Variants in INVS observed in about 807,000 individuals in gnomAD.
INVS encodes inversin, also known as inversion of embryo turning homolog.
A neutral mutation model predicts 108.8 loss-of-function variants in INVS; 86 were observed. That is an observed-to-expected ratio of 0.79 (90% CI 0.66 to 0.95). INVS has a LOEUF of 0.95. Among genes scored for constraint, INVS ranks in the 40% least tolerant of loss-of-function variants. The pLI is 0.00. For synonymous variants in INVS, 455 were observed against 473.5 expected, an observed-to-expected ratio of 0.96 and a Z score of 0.51; for missense variants, 1,169 against 1,297.4, an observed-to-expected ratio of 0.90 and a Z score of 1.52.
intron 2 of INVS, among the ~76,000 whole-genome samples, chr9:100,122,856 T>C (rs1011114735): frequency 3.9e-5 from 6 of 152,088 alleles, no homozygotes; most frequent in African/African-American, 1.4e-4. Flanking sequence ...AGTGCTGGGA[T>C]TACAGGCGTG....
intron 11 of INVS, among the ~76,000 whole-genome samples, chr9:100,271,992 C>T (rs1027171915): frequency 1.3e-5 from 2 of 151,974 alleles, no homozygotes; most frequent in Non-Finnish European, 2.9e-5. Flanking sequence ...CCTTAGCCTT[C>T]TGAGTAGCTG....
chr9:100,297,941 T>C lies in INVS; in HGVS notation c.3022T>C (p.Ser1008Pro). Residue 1008 changes from serine (S) to proline (P), a missense_variant, in exon 16 of 17, where the codon TCT becomes CCT. Physicochemically the swap from Ser to Pro is moderately conservative, Grantham distance 74. Coordinates refer to ENST00000262457, the MANE Select transcript of INVS (RefSeq NM_014425.5). ...CAGTTGTTGGTTCATTTCAGGTTGT[T>C]CTCACGAAGGGAAAATACATCATCC... ...HSVLKQIYGC[S>P]HEGKIHHPTR... The C allele has an allele frequency of 6.2e-7, 1 of 1,614,152 alleles. No individual in the cohort carries two copies. Among genetic ancestry groups the C allele is most frequent in the Non-Finnish European group, 8.5e-7 (1 of 1,179,992 alleles).
intron 11 of INVS, among the ~76,000 whole-genome samples, chr9:100,268,174 G>A (rs1168914197): frequency 1.3e-5 from 2 of 152,112 alleles, no homozygotes; most frequent in Non-Finnish European, 2.9e-5. Context: ...GGGCGTTCCC[G>A]AAAGTAAGAG....
intron 2 of INVS, among the ~76,000 whole-genome samples, chr9:100,118,371 G>A (rs996170907): frequency 6.6e-6 from 1 of 151,322 alleles, no homozygotes; most frequent in Non-Finnish European, 1.5e-5. Flanking sequence ...ACCACACCTT[G>A]CTAATTTTTG....
At chr9:100,147,377 A>G (rs553837265) in intron 3 of INVS, among the ~76,000 whole-genome samples, 40 of 152,350 alleles carry the variant, frequency 2.6e-4, no homozygotes, top group Non-Finnish European at 5.0e-4. Flanking sequence ...GTCAGTTTAC[A>G]TTAAAAGAAA....
intron 10 of INVS, among the ~76,000 whole-genome samples, chr9:100,253,618 A>G (rs545102873): frequency 6.6e-6 from 1 of 152,010 alleles, no homozygotes; most frequent in African/African-American, 2.4e-5. Context: ...CCTATGTCCA[A>G]GTGTTCTCAT....
At chr9:100,236,842 A>G (rs1015923655) in intron 5 of INVS, among the ~76,000 whole-genome samples, 1 of 152,160 alleles carries the variant, frequency 6.6e-6, no homozygotes. Flanking sequence ...GGAGTCAGGG[A>G]CCCACTTGGG....
At chr9:100,182,137 C>G (rs61163672) in intron 3 of INVS, among the ~76,000 whole-genome samples, 1 of 152,000 alleles carries the variant, frequency 6.6e-6, no homozygotes, top group South Asian at 2.1e-4. Flanking sequence ...AAGACTTAAA[C>G]GTAAGACCTA....
Position 100,284,461 on chromosome 9 carries a change from G to A in INVS, c.1926G>A (p.Lys642=). ...GCAGGCAGAGCCGGGCCCCCAGCAA[G>A]CAGCCTCCTGCTGGCAACGTGGCCC... The part of the protein sequence containing the change: ...VPSRQSRAPS[K]QPPAGNVAQG... Residue 642 remains lysine, a synonymous_variant, in exon 13 of 17, where the codon AAG becomes AAA. Transcript: ENST00000262457. 1 of 1,614,184 alleles carries A rather than the reference G, an allele frequency of 6.2e-7. No homozygotes were observed. The highest frequency in any genetic ancestry group is 8.5e-7 in the Non-Finnish European group (1 of 1,180,024).
At position 100,300,576 on chromosome 9, in the gene INVS, C is replaced by A; in HGVS notation, c.3100C>A (p.Leu1034Ile). ...GTATTTGTTTTTAACAGTGAGCAAC[C>A]TACAGTGTATACATCTCCTTGAGAA... ...SVLRLNSVSN[L>I]QCIHLLENSG... The change falls in exon 17 of 17, where the codon CTA (leucine) becomes ATA (isoleucine). Residue 1034 changes from leucine to isoleucine, a missense_variant. Coordinates refer to ENST00000262457, the MANE Select transcript of INVS (RefSeq NM_014425.5). 1 of 1,607,608 alleles carries A rather than the reference C, an allele frequency of 6.2e-7. No homozygotes were observed. The highest frequency in any genetic ancestry group is 8.5e-7 in the Non-Finnish European group (1 of 1,174,142).
rs776788562 is a variant in INVS, at chr9:100,292,359, C to G, written c.2102C>G (p.Ala701Gly). 4 of 1,614,056 alleles carry G rather than the reference C, an allele frequency of 2.5e-6. No homozygotes were observed. In the Admixed American group the frequency reaches 6.7e-5, roughly 27 times the overall value. The change falls in exon 14 of 17, where the codon GCT (alanine) becomes GGT (glycine). Residue 701 changes from alanine (A) to glycine (G), a missense_variant. Ala to Gly is a moderately conservative substitution (Grantham distance 60). This residue lies in a region of INVS where 533 missense variants were observed against 536.0 expected (regional missense o/e 0.99). Coordinates refer to ENST00000262457, the MANE Select transcript of INVS (RefSeq NM_014425.5). ...AGAGAACATTCTAAAGGCCAATCTG[C>G]TTGTGTCCACTTCAGACCCAATGAA... ...TAREHSKGQS[A>G]CVHFRPNEGS...
intron 5 of INVS, among the ~76,000 whole-genome samples, chr9:100,230,292 T>C (rs1042455953): frequency 1.3e-5 from 2 of 152,186 alleles, no homozygotes; most frequent in African/African-American, 4.8e-5. Flanking sequence ...CCTCTCAGTC[T>C]CATTCTATTC....
At chr9:100,290,907 G>T (rs1489755990) in intron 13 of INVS, among the ~76,000 whole-genome samples, 1 of 151,878 alleles carries the variant, frequency 6.6e-6, no homozygotes, top group African/African-American at 2.4e-5. Flanking sequence ...TTAGAAATGG[G>T]GTCTCACTAT....
chr9:100,206,703 A>G, intron 3 of INVS, among the ~76,000 whole-genome samples: 1 of 151,924 alleles, frequency 6.6e-6, no homozygotes. Context: ...TCTTACTTAG[A>G]TTTTGCCCAT....
At chr9:100,295,652 T>TG (rs935117288) in intron 14 of INVS, among the ~76,000 whole-genome samples, 2 of 152,108 alleles carry the variant, frequency 1.3e-5, no homozygotes, top group African/African-American at 4.8e-5. Flanking sequence ...AAATGAACCT[T>TG]GGGTCCTGAG....
intron 11 of INVS, among the ~76,000 whole-genome samples, chr9:100,272,088 G>A (rs1468476913): frequency 1.3e-5 from 2 of 151,556 alleles, no homozygotes; most frequent in South Asian, 2.1e-4. Context: ...AGGCTGTCTC[G>A]AACTCCTAAC....
intron 3 of INVS, among the ~76,000 whole-genome samples, chr9:100,146,867 A>G (rs1828635312): frequency 6.6e-6 from 1 of 152,182 alleles, no homozygotes; most frequent in African/African-American, 2.4e-5. Flanking sequence ...TGTTTCCACT[A>G]TTGTGAATAG....
At chr9:100,284,072 G>C (rs1588144984) in intron 12 of INVS, among the ~76,000 whole-genome samples, 1 of 152,122 alleles carries the variant, frequency 6.6e-6, no homozygotes, top group Non-Finnish European at 1.5e-5. Context: ...CTGGTTATCT[G>C]TCATGTGTCT....
chr9:100,195,175 G>A (rs866592109), intron 3 of INVS, among the ~76,000 whole-genome samples: 12 of 152,176 alleles, frequency 7.9e-5, no homozygotes, highest in South Asian at 4.1e-4. Flanking sequence ...ATTTGGAGCT[G>A]AGAGGCAAAA....
Sources: allele counts gnomAD v4.1 joint callset (sites outside exome capture counted in the v4.1 genomes callset), GRCh38; gene constraint gnomAD v4.1.1; regional missense constraint gnomAD v4.1.1; transcripts MANE v1.5; gene names NCBI Gene and HGNC (gene_info 2026-07-23, HGNC 2026-07-21).